TBC1D2B: variants seen among roughly 807,000 people sequenced by gnomAD.
TBC1D2B encodes the protein TBC1 domain family member 2B, also known as TBC1 domain family, member 2B.
A neutral mutation model predicts 100.8 loss-of-function variants in TBC1D2B; 64 were observed. The ratio of observed to expected loss-of-function variants is 0.64; its 90% CI spans 0.52 to 0.78. The LOEUF is 0.78. Among genes scored for constraint, TBC1D2B ranks in the 30% least tolerant of loss-of-function variants. The probability of loss-of-function intolerance (pLI) is 0.00; values close to 1 mark genes in which losing one functional copy is unlikely to be tolerated. For synonymous variants in TBC1D2B, 480 were observed against 479.7 expected (o/e 1.00, Z -0.01); for missense variants, 1,052 against 1,218.4 (o/e 0.86, Z 2.03).
chr15:78,006,952 A>T (rs1336794283), intron 10 of TBC1D2B, among the ~76,000 whole-genome samples: 1 of 152,248 alleles, frequency 6.6e-6, no homozygotes, highest in African/African-American at 2.4e-5. Flanking sequence ...CAGGCACACA[A>T]GGATGATCCA....
Position 78,046,964 on chromosome 15 carries a change from T to G in TBC1D2B, c.515-1896A>C, listed in dbSNP as rs1362699175. Among the ~76,000 whole-genome samples the G allele has an allele frequency of 2.0e-5, 3 of 152,106 alleles. No individual in the cohort carries two copies. In the East Asian group the frequency reaches 5.8e-4, roughly 29 times the overall value. ...TAGGCAGGTTCTGACTTGACCACAA[T>G]CAGTGTAGGAAGGGCTTCAAGAACA... On this transcript the variant is annotated intron_variant, in intron 2 of 12. Transcript: ENST00000300584.
rs1029749842 is a variant in TBC1D2B, at chr15:78,077,446, A to G, written c.207T>C (p.Tyr69=). 1.4e-5 allele frequency: 21 copies of G among 1,543,722 alleles called. No individual in the cohort carries two copies. The highest frequency in any genetic ancestry group is 1.7e-5 in the Non-Finnish European group (19 of 1,144,562). Residue 69 remains tyrosine, a synonymous_variant, in exon 1 of 13, where the codon TAT becomes TAC. Transcript: ENST00000300584. ...GCAGCGCGTCCTGCGGACTCTTGAA[A>G]TAGTAAAGGTAGCAGCGGCGCGCGT... ...VFDARRCYLY[Y]FKSPQDALPL...
At chr15:78,047,294 T>C (rs2073217294) in intron 2 of TBC1D2B, among the ~76,000 whole-genome samples, 2 of 151,742 alleles carry the variant, frequency 1.3e-5, no homozygotes, top group South Asian at 4.2e-4. Flanking sequence ...AGATTGCCAG[T>C]TCTTGGTTTT....
At position 78,012,871 on chromosome 15, in the gene TBC1D2B, G is replaced by C; in HGVS notation, c.2222C>G (p.Ala741Gly). 1 of 1,517,960 alleles carries C rather than the reference G, an allele frequency of 6.6e-7. No homozygotes were observed. 94.0% of individuals were successfully genotyped at this position (1,517,960 alleles called of 1,614,324 possible). Residue 741 changes from alanine to glycine, a missense_variant, in exon 9 of 13, where the codon GCC (alanine) becomes GGC (glycine). Physicochemically the swap from Ala to Gly is moderately conservative, Grantham distance 60 (BLOSUM62 0). Around this residue, in one of 4 missense-constraint regions of TBC1D2B, gnomAD observed 373 missense variants for 464.9 expected, o/e 0.80. Transcript: ENST00000300584. ...GIQKLRNVLL[A>G]FSWRNPDIGY... ...GATATCTGGATTCCGCCAGGAGAAG[G>C]CGAGGAGGACATTGCGTAACTTCTG...
At chr15:78,061,005 G>A (rs2141825345) in intron 1 of TBC1D2B, among the ~76,000 whole-genome samples, 1 of 151,418 alleles carries the variant, frequency 6.6e-6, no homozygotes, top group South Asian at 2.1e-4. Context: ...CAGCACTACG[G>A]GAGACAGAGG....
At chr15:78,018,358 T>C (rs2072429248) in intron 6 of TBC1D2B, among the ~76,000 whole-genome samples, 2 of 152,218 alleles carry the variant, frequency 1.3e-5, no homozygotes, top group Admixed American at 1.3e-4. Flanking sequence ...ACATATTTTC[T>C]GAAGGTTCTC....
intron 1 of TBC1D2B, among the ~76,000 whole-genome samples, chr15:78,069,222 T>G (rs977675934): frequency 3.3e-5 from 5 of 152,148 alleles, no homozygotes; most frequent in African/African-American, 4.8e-5. Context: ...ACTGGTAATG[T>G]GCATATGAGC....
intron 2 of TBC1D2B, among the ~76,000 whole-genome samples, chr15:78,053,366 TTTTGTTTG>T (rs146938068): frequency 1.3e-5 from 2 of 152,160 alleles, no homozygotes; most frequent in Non-Finnish European, 2.9e-5. Context: ...CAGGAGGCTG[TTTTGTTTG>T]TTTGTTTGTT....
chr15:78,030,247 C>A, intron 3 of TBC1D2B, 77 bp from the exon 4 acceptor site: 2 of 1,253,158 alleles, frequency 1.6e-6, no homozygotes, highest in Non-Finnish European at 2.2e-6. Context: ...ATAGGATTGG[C>A]AAAAATTTAA....
chr15:78,043,366 C>T (rs1254236389), intron 3 of TBC1D2B, among the ~76,000 whole-genome samples: 1 of 152,162 alleles, frequency 6.6e-6, no homozygotes, highest in Non-Finnish European at 1.5e-5. Context: ...CCAAGTCTCC[C>T]ACAACGCACT....
In TBC1D2B at chr15:78,003,438, T is replaced by A. The variant is rs775095969; in HGVS notation, c.2441A>T (p.His814Leu). Residue 814 changes from histidine (H) to leucine (L), a missense_variant, in exon 11 of 13, where the codon CAT (histidine) becomes CTT (leucine). Physicochemically the swap from His to Leu is moderately conservative, Grantham distance 99. This residue lies in a region of TBC1D2B where 373 missense variants were observed against 464.9 expected (regional missense o/e 0.80). Transcript: ENST00000300584. ...DLMSEKLPRL[H>L]GHFEQYKVDY... ...GACTTTGTACTGTTCAAAGTGGCCA[T>A]GCAACCGAGGCAGCTTCTCACTCAT... 8 of 1,613,666 alleles carry A rather than the reference T, an allele frequency of 5.0e-6. No homozygotes were observed. In the South Asian group the frequency reaches 7.7e-5, roughly 16 times the overall value.
chr15:78,059,048 C>G (rs534059966), intron 1 of TBC1D2B, among the ~76,000 whole-genome samples: 2 of 152,248 alleles, frequency 1.3e-5, no homozygotes, highest in South Asian at 2.1e-4. Flanking sequence ...TAACACCAGT[C>G]TCCTCAGCTC....
Position 78,070,528 on chromosome 15 carries a change from G to T in TBC1D2B, c.360+6765C>A, listed in dbSNP as rs543506732. 5.3e-5 allele frequency among the ~76,000 whole-genome samples: 8 copies of T among 152,370 alleles called. No individual in the cohort carries two copies. The South Asian group carries it at 1.7e-3, about 32-fold the overall frequency. Reference sequence around the variant, plus strand: ...TCCCCAGTGCCTAAGCACACACAGTGAGTGAATGAGTGGGAAGCTCCTGAG... The same window carrying T: ...TCCCCAGTGCCTAAGCACACACAGTTAGTGAATGAGTGGGAAGCTCCTGAG... On this transcript the variant is annotated intron_variant, in intron 1 of 12. Transcript: ENST00000300584.
intron 2 of TBC1D2B, among the ~76,000 whole-genome samples, chr15:78,051,512 T>C (rs909411960): frequency 4.6e-5 from 7 of 152,340 alleles, no homozygotes; most frequent in Admixed American, 2.6e-4. Flanking sequence ...TTCTAAGATA[T>C]ACAACTAGCT....
chr15:78,016,636 C>A lies in TBC1D2B; in HGVS notation c.1685G>T (p.Arg562Leu). ...PVCSEDQGPT[R>L]EVIAQLLEDA... ...CTCCAGCAACTGGGCTATGACCTCC[C>A]GGGTGGGCCCCTGGTCTTCTGAGCA... is the stretch of plus-strand genomic sequence containing the variant. Residue 562 changes from arginine to leucine, a missense_variant, in exon 8 of 13, where the codon CGG (arginine) becomes CTG (leucine). Physicochemically the swap from Arg to Leu is moderately radical, Grantham distance 102 (BLOSUM62 -2). Around this residue, in one of 4 missense-constraint regions of TBC1D2B, gnomAD observed 373 missense variants for 464.9 expected, o/e 0.80. Transcript: ENST00000300584. The A allele has an allele frequency of 6.2e-7, 1 of 1,612,748 alleles. No homozygotes were observed. Among genetic ancestry groups the A allele is most frequent in the African/African-American group, 1.3e-5 (1 of 75,020 alleles).
chr15:77,999,051 A>C (rs188490265), intron 12 of TBC1D2B: 1 of 247,956 alleles, frequency 4.0e-6, no homozygotes, highest in Admixed American at 4.6e-5. Context: ...AGGCCTGGCT[A>C]TGGATTTGTA....
intron 12 of TBC1D2B, among the ~76,000 whole-genome samples, chr15:78,001,187 C>A: frequency 6.6e-6 from 1 of 152,170 alleles, no homozygotes; most frequent in East Asian, 1.9e-4. Context: ...GCCCCTTGCC[C>A]AGCTTATTTG....
At chr15:78,040,233 G>A (rs147543972) in intron 3 of TBC1D2B, among the ~76,000 whole-genome samples, 5 of 152,370 alleles carry the variant, frequency 3.3e-5, no homozygotes, top group African/African-American at 1.2e-4. Context: ...CCTTCACCTG[G>A]TGTGATTTGG....
chr15:78,041,339 G>T (rs1426553819), intron 3 of TBC1D2B, among the ~76,000 whole-genome samples: 3 of 152,232 alleles, frequency 2.0e-5, no homozygotes, highest in Non-Finnish European at 4.4e-5. Context: ...ATTCTTGGTA[G>T]GTCTGTAGCT....
Sources: allele counts gnomAD v4.1 joint callset (sites outside exome capture counted in the v4.1 genomes callset), GRCh38; gene constraint gnomAD v4.1.1; regional missense constraint gnomAD v4.1.1; transcripts MANE v1.5; gene names NCBI Gene and HGNC (gene_info 2026-07-23, HGNC 2026-07-21).